CTNNA2: variants seen among roughly 807,000 people sequenced by gnomAD.
The protein encoded by CTNNA2 is catenin alpha-2.
Under a neutral mutation model 101.0 loss-of-function variants are expected in CTNNA2, and 42 were observed. That is an observed-to-expected ratio of 0.42 (90% CI 0.32 to 0.54). The LOEUF is 0.54. Among genes scored for constraint, CTNNA2 ranks in the 20% least tolerant of loss-of-function variants. The pLI is 0.14. For synonymous variants in CTNNA2, 450 were observed against 456.4 expected, an observed-to-expected ratio of 0.99 and a Z score of 0.18; for missense variants, 871 against 1,223.1, an observed-to-expected ratio of 0.71 and a Z score of 4.29.
At chr2:79,465,983 G>C (rs552939384) in intron 4 of CTNNA2, among the ~76,000 whole-genome samples, 1 of 152,320 alleles carries the variant, frequency 6.6e-6, no homozygotes, top group Non-Finnish European at 1.5e-5. Flanking sequence ...GGTGATTTCT[G>C]CATTTCCAAC....
rs116771853 is a variant in CTNNA2, at chr2:80,284,134, T to G, written c.1057-109077T>G. 3.6e-3 allele frequency among the ~76,000 whole-genome samples: 543 copies of G among 152,250 alleles called. 3 individuals carry two copies. The highest frequency in any genetic ancestry group is 0.013 in the African/African-American group (521 of 41,564). On this transcript the variant is annotated intron_variant, in intron 7 of 18. Transcript: ENST00000402739. ...GACTACACAAGTTCTCACTGGATTATTTTAATGTCTTAATACAGATTTCAT... is the reference window on the plus strand; with the variant it reads ...GACTACACAAGTTCTCACTGGATTAGTTTAATGTCTTAATACAGATTTCAT...
chr2:80,632,516 A>G (rs955171185), intron 18 of CTNNA2, among the ~76,000 whole-genome samples: 5 of 152,248 alleles, frequency 3.3e-5, no homozygotes, highest in Middle Eastern at 3.4e-3. Flanking sequence ...CCTGTGTTCT[A>G]TAGTTTGGAA....
At chr2:80,427,030 T>C (rs1681059565) in intron 9 of CTNNA2, among the ~76,000 whole-genome samples, 1 of 152,102 alleles carries the variant, frequency 6.6e-6, no homozygotes, top group Non-Finnish European at 1.5e-5. Context: ...AGTTTACCAA[T>C]TCCTTTAGGA....
intron 4 of CTNNA2, among the ~76,000 whole-genome samples, chr2:79,375,203 C>T (rs559190515): frequency 5.3e-5 from 8 of 152,240 alleles, no homozygotes; most frequent in South Asian, 2.1e-4. Context: ...ATACGCTTTA[C>T]GGTCAGACAT....
intron 2 of CTNNA2, among the ~76,000 whole-genome samples, chr2:79,209,534 A>G (rs1303686585): frequency 6.6e-6 from 1 of 152,246 alleles, no homozygotes; most frequent in Non-Finnish European, 1.5e-5. Context: ...TTATTCTTGT[A>G]TCAGTGAGAG....
At chr2:79,491,314 T>C (rs1671205689) in intron 4 of CTNNA2, among the ~76,000 whole-genome samples, 1 of 152,196 alleles carries the variant, frequency 6.6e-6, no homozygotes, top group Admixed American at 6.5e-5. Context: ...CTCTGTCTTC[T>C]GCTACTCCAG....
chr2:80,085,600 A>G (rs1699389204), intron 7 of CTNNA2, among the ~76,000 whole-genome samples: 1 of 152,060 alleles, frequency 6.6e-6, no homozygotes, highest in Admixed American at 6.6e-5. Context: ...TGATTTTGAA[A>G]AGGCATAGTT....
chr2:79,214,336 T>C (rs1010090639), intron 2 of CTNNA2, among the ~76,000 whole-genome samples: 10 of 152,022 alleles, frequency 6.6e-5, no homozygotes, highest in South Asian at 2.1e-4. Context: ...GTTTGAGATC[T>C]AGAACAGAAT....
chr2:79,317,011 G>A (rs1676513045), intron 3 of CTNNA2, among the ~76,000 whole-genome samples: 1 of 151,982 alleles, frequency 6.6e-6, no homozygotes, highest in South Asian at 2.1e-4. Context: ...TGATCTTTAA[G>A]TATTATGTTA....
At chr2:80,557,459 T>C (rs1013913254) in intron 12 of CTNNA2, among the ~76,000 whole-genome samples, 27 of 152,170 alleles carry the variant, frequency 1.8e-4, no homozygotes, top group African/African-American at 6.3e-4. Flanking sequence ...TCTATTCTTG[T>C]ACAAAGTCTC....
intron 7 of CTNNA2, among the ~76,000 whole-genome samples, chr2:80,141,020 C>G (rs183392607): frequency 6.6e-6 from 1 of 152,220 alleles, no homozygotes; most frequent in East Asian, 1.9e-4. Flanking sequence ...CCAGTCTGGG[C>G]TCCCTCCTTT....
At chr2:79,831,241 A>G (rs1187946402) in intron 3 of CTNNA2, among the ~76,000 whole-genome samples, 2 of 152,136 alleles carry the variant, frequency 1.3e-5, no homozygotes, top group Non-Finnish European at 2.9e-5. Flanking sequence ...GTTTTACTCC[A>G]TAGACTAAAA....
At chr2:80,141,968 A>C (rs1354078176) in intron 7 of CTNNA2, among the ~76,000 whole-genome samples, 1 of 151,934 alleles carries the variant, frequency 6.6e-6, no homozygotes, top group African/African-American at 2.4e-5. Flanking sequence ...GCTGGCACAT[A>C]GACCTCAGAT....
Position 80,601,739 on chromosome 2 carries a change from ATTTCTAGTGT to A in CTNNA2, c.2190-2331_2190-2322del, listed in dbSNP as rs565192883. ...GAGCTAGTTTTAGGATTTATCCATA[ATTTCTAGTGT>A]TTTGTTTTCTGACACATTAATATCT... On this transcript the variant is annotated intron_variant, in intron 15 of 18. Coordinates refer to ENST00000402739, the MANE Select transcript of CTNNA2 (RefSeq NM_001282597.3). 452 of 151,906 alleles carry A rather than the reference ATTTCTAGTGT, an allele frequency of 3.0e-3. 5 individuals carry two copies. The highest frequency in any genetic ancestry group is 0.01 in the African/African-American group (422 of 41,476). The allele number at this position is 151,906 out of a possible 1,614,324, so 9.4% of individuals were successfully genotyped here. A position where few individuals can be genotyped will look rare whatever the true frequency, so the allele number is the denominator to read the frequency against.
chr2:79,535,464 A>G (rs945439608), intron 1 of CTNNA2, among the ~76,000 whole-genome samples: 9 of 152,220 alleles, frequency 5.9e-5, no homozygotes, highest in African/African-American at 2.2e-4. Context: ...TCAGCCTCCC[A>G]AAGTGCTAGG....
At chr2:79,378,800 C>A (rs1255840231) in intron 4 of CTNNA2, among the ~76,000 whole-genome samples, 1 of 152,102 alleles carries the variant, frequency 6.6e-6, no homozygotes, top group Non-Finnish European at 1.5e-5. Context: ...TATTCTCTAT[C>A]AGGACCCTTT....
At chr2:79,443,825 C>G (rs748869708) in intron 4 of CTNNA2, among the ~76,000 whole-genome samples, 55 of 151,576 alleles carry the variant, frequency 3.6e-4, no homozygotes, top group Non-Finnish European at 6.5e-4. Flanking sequence ...CCCTTAAGTA[C>G]CAAAGAAGGG....
At position 79,910,503 on chromosome 2, in the gene CTNNA2, C is replaced by T. The variant is rs114594438; in HGVS notation, c.1056+706C>T. Among the ~76,000 whole-genome samples, 669 of 152,284 alleles carry T rather than the reference C, an allele frequency of 4.4e-3. 7 individuals are homozygous for T. Among genetic ancestry groups the T allele is most frequent in the African/African-American group, 0.015 (625 of 41,570 alleles). ...TGCCTTGAAAGGCACTAAATTATGGCTGTATTGATTTGCTACATTCATTCA... is the reference window on the plus strand; with the variant it reads ...TGCCTTGAAAGGCACTAAATTATGGTTGTATTGATTTGCTACATTCATTCA... On this transcript the variant is annotated intron_variant, in intron 7 of 18. Coordinates refer to ENST00000402739, the MANE Select transcript of CTNNA2 (RefSeq NM_001282597.3).
chr2:79,524,142 T>C (rs1313384141), intron 1 of CTNNA2, among the ~76,000 whole-genome samples: 1 of 152,026 alleles, frequency 6.6e-6, no homozygotes, highest in Non-Finnish European at 1.5e-5. Flanking sequence ...GTATTTTAGT[T>C]AGTATTATAT....
Sources: gnomAD v4.1 joint callset for allele counts (sites outside exome capture counted in the v4.1 genomes callset) on GRCh38, gnomAD v4.1.1 for gene constraint, MANE v1.5 for transcripts, NCBI Gene and HGNC (gene_info 2026-07-23, HGNC 2026-07-21) for gene names.